ARHGAP24: variants seen among roughly 807,000 people sequenced by gnomAD.
The protein encoded by ARHGAP24 is rho GTPase-activating protein 24.
In ARHGAP24, 50 loss-of-function variants were observed where a neutral mutation model predicts 76.4. The ratio of observed to expected loss-of-function variants is 0.65; its 90% CI spans 0.52 to 0.83. The LOEUF is 0.83. Ranked by LOEUF, ARHGAP24 falls within the 40% of genes least tolerant of loss-of-function variation. The pLI is 0.00. For missense variants in ARHGAP24, 930 were observed against 914.2 expected (o/e 1.02, Z -0.22); for synonymous variants, 345 against 323.3 (o/e 1.07, Z -0.72).
chr4:85,937,501 T>C (rs796140874), intron 4 of ARHGAP24, among the ~76,000 whole-genome samples: 6 of 152,214 alleles, frequency 3.9e-5, no homozygotes, highest in African/African-American at 1.4e-4. Context: ...ATAATTAATA[T>C]GTAGTGAAAT....
At chr4:85,558,203 A>G (rs1261282996) in intron 1 of ARHGAP24, among the ~76,000 whole-genome samples, 1 of 152,164 alleles carries the variant, frequency 6.6e-6, no homozygotes, top group East Asian at 1.9e-4. Flanking sequence ...TAGCAAAGGG[A>G]TGGTGGCATC....
chr4:85,749,491 C>T (rs916438671), intron 3 of ARHGAP24, among the ~76,000 whole-genome samples: 8 of 152,180 alleles, frequency 5.3e-5, no homozygotes, highest in African/African-American at 1.4e-4. Flanking sequence ...ACAATCTTGT[C>T]GGATTGTCAA....
At chr4:85,664,230 T>A (rs1272528780) in intron 2 of ARHGAP24, among the ~76,000 whole-genome samples, 3 of 151,336 alleles carry the variant, frequency 2.0e-5, no homozygotes, top group Non-Finnish European at 4.4e-5. Context: ...TCTTCCTGGT[T>A]TAGTCTTGGG....
intron 2 of ARHGAP24, among the ~76,000 whole-genome samples, chr4:85,575,145 AAGCAGCTTT>A (rs1434450113): frequency 6.6e-6 from 1 of 152,220 alleles, no homozygotes; most frequent in Non-Finnish European, 1.5e-5. Flanking sequence ...TAATTAAAAA[AAGCAGCTTT>A]AGTTCATCTA....
chr4:85,675,646 A>T lies in ARHGAP24; in HGVS notation c.181-46239A>T, dbSNP rs1722954828. Among the ~76,000 whole-genome samples, 3 of 152,196 alleles carry T rather than the reference A, an allele frequency of 2.0e-5. No homozygotes were observed. The South Asian group carries it at 6.2e-4, about 32-fold the overall frequency. On this transcript the variant is annotated intron_variant, in intron 2 of 9. Coordinates refer to ENST00000395184, the MANE Select transcript of ARHGAP24 (RefSeq NM_001025616.3). Reference sequence around the variant, plus strand: ...CAGTAGAAAGTCCCAGCTCCTGGAAAAGTGATTACATTGAGCCTATGGAGT... The same window carrying T: ...CAGTAGAAAGTCCCAGCTCCTGGAATAGTGATTACATTGAGCCTATGGAGT...
intron 1 of ARHGAP24, among the ~76,000 whole-genome samples, chr4:85,491,841 T>C (rs1723370111): frequency 6.6e-6 from 1 of 152,192 alleles, no homozygotes; most frequent in Non-Finnish European, 1.5e-5. Flanking sequence ...ATGTTCTGAA[T>C]TCTAATGAAT....
intron 3 of ARHGAP24, among the ~76,000 whole-genome samples, chr4:85,738,367 T>TTTATTA (rs58504018): frequency 0.042 from 6,006 of 144,014 alleles, 139 homozygotes; most frequent in Non-Finnish European, 0.048. Flanking sequence ...CATTTGGGCT[T>TTTATTA]TTATTATTAT....
At chr4:85,753,668 G>A (rs1726355114) in intron 3 of ARHGAP24, among the ~76,000 whole-genome samples, 1 of 152,126 alleles carries the variant, frequency 6.6e-6, no homozygotes. Context: ...AAAGAGGAAT[G>A]CTCCCTTTTC....
At chr4:85,541,825 G>A (rs892651715) in intron 1 of ARHGAP24, among the ~76,000 whole-genome samples, 5 of 151,974 alleles carry the variant, frequency 3.3e-5, no homozygotes, top group South Asian at 4.2e-4. Flanking sequence ...AACTTCACAG[G>A]TGGGTTGACG....
chr4:85,610,011 T>C (rs1011845865), intron 2 of ARHGAP24, among the ~76,000 whole-genome samples: 2 of 152,176 alleles, frequency 1.3e-5, no homozygotes, highest in Non-Finnish European at 2.9e-5. Flanking sequence ...ATTTCTAGAT[T>C]ATGTGATGAT....
intron 8 of ARHGAP24, among the ~76,000 whole-genome samples, chr4:85,986,592 A>G (rs1488476482): frequency 6.6e-6 from 1 of 152,178 alleles, no homozygotes; most frequent in African/African-American, 2.4e-5. Context: ...AAGGTCAGAC[A>G]ATGAGAAGCC....
At chr4:85,972,364 A>C (rs1189445750) in intron 6 of ARHGAP24, 196 bp downstream of exon 6, 1 of 659,730 alleles carries the variant, frequency 1.5e-6, no homozygotes, top group Non-Finnish European at 2.5e-6. Context: ...TCAAAAAAAA[A>C]GAATATGGCT....
At chr4:85,966,132 G>A (rs571713577) in intron 5 of ARHGAP24, among the ~76,000 whole-genome samples, 1 of 152,236 alleles carries the variant, frequency 6.6e-6, no homozygotes, top group East Asian at 1.9e-4. Context: ...TTGGACAAGG[G>A]GAGAGAGAAA....
chr4:85,933,045 A>C (rs1736435613), intron 4 of ARHGAP24, among the ~76,000 whole-genome samples: 1 of 152,094 alleles, frequency 6.6e-6, no homozygotes, highest in Non-Finnish European at 1.5e-5. Flanking sequence ...GGTTCCTAAA[A>C]CCATGCCAAC....
At chr4:85,942,370 G>A in intron 5 of ARHGAP24, 97 bp downstream of exon 5, 1 of 1,377,550 alleles carries the variant, frequency 7.3e-7, no homozygotes, top group Non-Finnish European at 1.0e-6. Flanking sequence ...GATTGATGTG[G>A]TAACAGTTTA....
At chr4:85,916,930 A>G (rs1252976211) in intron 3 of ARHGAP24, among the ~76,000 whole-genome samples, 1 of 152,126 alleles carries the variant, frequency 6.6e-6, no homozygotes, top group Non-Finnish European at 1.5e-5. Flanking sequence ...TTATTATTAT[A>G]CTTTAAGTTT....
At chr4:85,611,778 T>C (rs1720390370) in intron 2 of ARHGAP24, among the ~76,000 whole-genome samples, 1 of 152,210 alleles carries the variant, frequency 6.6e-6, no homozygotes, top group Non-Finnish European at 1.5e-5. Flanking sequence ...TATGTACTGC[T>C]TGCTTGTTGA....
chr4:85,602,428 T>A (rs1210447726), intron 2 of ARHGAP24, among the ~76,000 whole-genome samples: 1 of 152,198 alleles, frequency 6.6e-6, no homozygotes, highest in Non-Finnish European at 1.5e-5. Context: ...CAGGCAAGTG[T>A]GTTGATTGGA....
At chr4:85,554,543 C>T (rs1422005604) in intron 1 of ARHGAP24, among the ~76,000 whole-genome samples, 7 of 152,168 alleles carry the variant, frequency 4.6e-5, no homozygotes, top group African/African-American at 1.7e-4. Context: ...AGTCTTTGAG[C>T]TGTGAGATTT....
Sources: gnomAD v4.1 joint callset for allele counts (sites outside exome capture counted in the v4.1 genomes callset) on GRCh38, gnomAD v4.1.1 for gene constraint, MANE v1.5 for transcripts, NCBI Gene and HGNC (gene_info 2026-07-23, HGNC 2026-07-21) for gene names.